The following PLCG2 variants were observed in gnomAD, a reference collection of about 807,000 sequenced individuals.
PLCG2 encodes the protein 1-phosphatidylinositol 4,5-bisphosphate phosphodiesterase gamma-2.
A neutral mutation model predicts 175.6 loss-of-function variants in PLCG2; 69 were observed. That is an observed-to-expected ratio of 0.39 (90% confidence interval 0.32 to 0.48). PLCG2 has a LOEUF of 0.48. Ranked by LOEUF, PLCG2 falls within the 20% of genes least tolerant of loss-of-function variation. PLCG2 has a pLI of 0.91. For missense variants in PLCG2, 1,798 were observed against 1,650.9 expected (o/e 1.09, Z -1.54); for synonymous variants, 827 against 624.0 (o/e 1.33, Z -4.85).
intron 2 of PLCG2, among the ~76,000 whole-genome samples, chr16:81,809,032 G>A (rs938922525): frequency 1.3e-5 from 2 of 152,204 alleles, no homozygotes; most frequent in East Asian, 1.9e-4. Context: ...TAGGGGTGAG[G>A]AAGGAGTGTG....
At chr16:81,931,451 C>T (rs746064418) in intron 24 of PLCG2, 46 bp from the exon 25 acceptor site, 2 of 1,586,106 alleles carry the variant, frequency 1.3e-6, no homozygotes, top group Admixed American at 1.7e-5. Context: ...GTCTTTGTGG[C>T]CCTCTAATAG....
intron 1 of PLCG2, among the ~76,000 whole-genome samples, chr16:81,752,174 C>G (rs1276268588): frequency 5.3e-5 from 8 of 152,132 alleles, no homozygotes; most frequent in Non-Finnish European, 1.2e-4. Flanking sequence ...TGGGAGCTCC[C>G]ACTGTTCCCC....
chr16:81,832,011 G>A (rs1205157222), intron 2 of PLCG2, among the ~76,000 whole-genome samples: 1 of 152,214 alleles, frequency 6.6e-6, no homozygotes, highest in Non-Finnish European at 1.5e-5. Flanking sequence ...GCTGGAGCCA[G>A]TCATGCCCCA....
At chr16:81,858,837 TA>T (rs2143489778) in intron 4 of PLCG2, among the ~76,000 whole-genome samples, 1 of 127,726 alleles carries the variant, frequency 7.8e-6, no homozygotes, top group South Asian at 2.9e-4. Flanking sequence ...CTCTACTTTT[TA>T]CTATTTTTCT....
chr16:81,914,340 T>C (rs1419157013), intron 19 of PLCG2, among the ~76,000 whole-genome samples: 1 of 152,200 alleles, frequency 6.6e-6, no homozygotes, highest in South Asian at 2.1e-4. Flanking sequence ...CTCAGGTGGC[T>C]GTACCTTGGG....
intron 32 of PLCG2, among the ~76,000 whole-genome samples, chr16:81,957,584 G>A (rs1181231182): frequency 6.6e-6 from 1 of 152,042 alleles, no homozygotes; most frequent in Non-Finnish European, 1.5e-5. Context: ...CATGTAATGG[G>A]GTGCGGGGCG....
chr16:81,865,726 G>C (rs1337039845), intron 5 of PLCG2, among the ~76,000 whole-genome samples: 4 of 137,798 alleles, frequency 2.9e-5, no homozygotes, highest in African/African-American at 1.1e-4. Flanking sequence ...CCTCTCCCTT[G>C]CTCCCAGGAT....
intron 7 of PLCG2, among the ~76,000 whole-genome samples, chr16:81,879,774 A>C (rs1173357652): frequency 6.6e-6 from 1 of 152,174 alleles, no homozygotes; most frequent in African/African-American, 2.4e-5. Flanking sequence ...TGTACAATGC[A>C]CAGAAAATGG....
chr16:81,756,188 G>C (rs886083849), intron 2 of PLCG2, among the ~76,000 whole-genome samples: 1 of 152,234 alleles, frequency 6.6e-6, no homozygotes, highest in Non-Finnish European at 1.5e-5. Context: ...CCCAGGAACC[G>C]TCGGGGAGGC....
intron 2 of PLCG2, among the ~76,000 whole-genome samples, chr16:81,819,854 G>A (rs1381036451): frequency 6.6e-6 from 1 of 152,200 alleles, no homozygotes; most frequent in African/African-American, 2.4e-5. Flanking sequence ...AAAGTGCTGG[G>A]ATTACAGCTG....
At chr16:81,784,579 G>A (rs1434555683) in intron 1 of PLCG2, among the ~76,000 whole-genome samples, 1 of 152,168 alleles carries the variant, frequency 6.6e-6, no homozygotes, top group Non-Finnish European at 1.5e-5. Flanking sequence ...ACAACTCCAG[G>A]CACCTCCAGG....
chr16:81,931,930 G>A (rs758902097), intron 25 of PLCG2, among the ~76,000 whole-genome samples: 1 of 152,124 alleles, frequency 6.6e-6, no homozygotes, highest in Non-Finnish European at 1.5e-5. Context: ...ATGTCTTTGC[G>A]GCCCTACATA....
intron 1 of PLCG2, among the ~76,000 whole-genome samples, chr16:81,783,529 A>T (rs1367241163): frequency 6.6e-6 from 1 of 152,184 alleles, no homozygotes; most frequent in African/African-American, 2.4e-5. Flanking sequence ...ATTCTGGACT[A>T]GGGGCTTGGG....
At chr16:81,821,120 G>T (rs993556972) in intron 2 of PLCG2, among the ~76,000 whole-genome samples, 2 of 152,246 alleles carry the variant, frequency 1.3e-5, no homozygotes, top group Admixed American at 6.5e-5. Flanking sequence ...TAGAACTCCT[G>T]ATGTCAAATG....
chr16:81,770,228 C>T (rs1910247568), intron 2 of PLCG2, among the ~76,000 whole-genome samples: 1 of 152,152 alleles, frequency 6.6e-6, no homozygotes, highest in African/African-American at 2.4e-5. Flanking sequence ...AACCAGCACC[C>T]CTCAGGACTC....
intron 9 of PLCG2, among the ~76,000 whole-genome samples, chr16:81,888,490 G>A (rs761860209): frequency 1.3e-5 from 2 of 152,212 alleles, no homozygotes; most frequent in African/African-American, 2.4e-5. Context: ...GCCTACCAAA[G>A]TGGGTCTGAG....
chr16:81,861,463 T>C (rs1474147524), intron 5 of PLCG2, among the ~76,000 whole-genome samples: 1 of 152,218 alleles, frequency 6.6e-6, no homozygotes, highest in Non-Finnish European at 1.5e-5. Context: ...GTTAAAAGTC[T>C]AGTAATGTTA....
chr16:81,946,332 G>C lies in PLCG2; in HGVS notation c.3570+69G>C. 3 of 1,082,662 alleles carry C rather than the reference G, an allele frequency of 2.8e-6. No homozygotes were observed. In the South Asian group the frequency reaches 3.7e-5, roughly 13 times the overall value. The allele number at this position is 1,082,662 out of a possible 1,614,324, so 67.1% of individuals were successfully genotyped here. A position where few individuals can be genotyped will look rare whatever the true frequency, so the allele number is the denominator to read the frequency against. On this transcript the variant is annotated intron_variant, in intron 31 of 32. Transcript: ENST00000564138. Reference sequence around the variant, plus strand: ...GCTGGTGAGGGTAGAAACGGCCCGTGAATACAATTGGCAGATGGACTTAAG... The same window carrying C: ...GCTGGTGAGGGTAGAAACGGCCCGTCAATACAATTGGCAGATGGACTTAAG...
At chr16:81,945,005 T>C (rs775530580) in intron 30 of PLCG2, among the ~76,000 whole-genome samples, 3 of 152,220 alleles carry the variant, frequency 2.0e-5, no homozygotes, top group Non-Finnish European at 4.4e-5. Flanking sequence ...GTGGGAGAAT[T>C]ATGGTTACAA....
Sources: gnomAD v4.1 joint callset for allele counts (sites outside exome capture counted in the v4.1 genomes callset) on GRCh38, gnomAD v4.1.1 for gene constraint, MANE v1.5 for transcripts, NCBI Gene and HGNC (gene_info 2026-07-23, HGNC 2026-07-21) for gene names.